The following PLD5 variants were observed in gnomAD, a reference collection of about 807,000 sequenced individuals.
PLD5 encodes the protein phospholipase D family member 5.
In PLD5, 36 loss-of-function variants were observed where a neutral mutation model predicts 61.1. The ratio of observed to expected loss-of-function variants is 0.59; its 90% CI spans 0.45 to 0.78. The LOEUF is 0.78. Ranked by LOEUF, PLD5 falls within the 30% of genes least tolerant of loss-of-function variation. The pLI is 0.00. For missense variants in PLD5, 515 were observed against 644.4 expected, an observed-to-expected ratio of 0.80 and a Z score of 2.17; for synonymous variants, 243 against 242.8, an observed-to-expected ratio of 1.00 and a Z score of -0.01.
chr1:242,497,393 T>C (rs1297662270), intron 1 of PLD5, among the ~76,000 whole-genome samples: 1 of 152,200 alleles, frequency 6.6e-6, no homozygotes, highest in Non-Finnish European at 1.5e-5. Context: ...AAGGAAAAAA[T>C]GACCTCTCAG....
In PLD5 at chr1:242,180,985, AAAACAAAC is replaced by A. The variant is rs545725246; in HGVS notation, c.735+38995_735+39002del. 3.7e-4 allele frequency among the ~76,000 whole-genome samples: 56 copies of A among 152,074 alleles called. No individual in the cohort carries two copies. The East Asian group carries it at 6.0e-3, about 16-fold the overall frequency. ...GTGACAGAGGAAGACTAGGTCTCAA[AAAACAAAC>A]AAACAAACAAACAAACAAAAAAACA... On this transcript the variant is annotated intron_variant, in intron 5 of 9. Transcript: ENST00000536534.
chr1:242,523,297 T>C (rs923959602), intron 1 of PLD5, among the ~76,000 whole-genome samples: 4 of 152,176 alleles, frequency 2.6e-5, no homozygotes, highest in Non-Finnish European at 5.9e-5. Context: ...AAGATGCTGA[T>C]GGATCAAATT....
At chr1:242,234,248 T>C (rs183902717) in intron 4 of PLD5, among the ~76,000 whole-genome samples, 1 of 152,230 alleles carries the variant, frequency 6.6e-6, no homozygotes, top group East Asian at 1.9e-4. Flanking sequence ...TGTAACCCTC[T>C]CTGAAGGCTC....
At chr1:242,116,738 A>C (rs1434284352) in intron 6 of PLD5, among the ~76,000 whole-genome samples, 1 of 152,194 alleles carries the variant, frequency 6.6e-6, no homozygotes, top group Non-Finnish European at 1.5e-5. Context: ...TGCAAAAGAC[A>C]TGATTTTATT....
intron 1 of PLD5, among the ~76,000 whole-genome samples, chr1:242,481,225 T>G (rs1239366015): frequency 6.6e-6 from 1 of 152,092 alleles, no homozygotes; most frequent in Non-Finnish European, 1.5e-5. Flanking sequence ...GGACAGTGGG[T>G]GCAGCGCACC....
intron 1 of PLD5, among the ~76,000 whole-genome samples, chr1:242,450,909 C>T (rs1460441026): frequency 6.6e-6 from 1 of 152,136 alleles, no homozygotes; most frequent in Middle Eastern, 3.2e-3. Context: ...TACATGAATT[C>T]AGTAAGTGAA....
chr1:242,281,132 C>T (rs1437329150), intron 3 of PLD5, among the ~76,000 whole-genome samples: 4 of 152,102 alleles, frequency 2.6e-5, no homozygotes, highest in East Asian at 1.9e-4. Context: ...TGGGCCAAAA[C>T]GTGCAGTGGT....
intron 5 of PLD5, among the ~76,000 whole-genome samples, chr1:242,197,398 C>A (rs1668700122): frequency 6.6e-6 from 1 of 152,162 alleles, no homozygotes; most frequent in Admixed American, 6.5e-5. Context: ...ACACCCAAGC[C>A]CCACAATGTC....
intron 5 of PLD5, among the ~76,000 whole-genome samples, chr1:242,200,805 A>C (rs1668945927): frequency 1.3e-5 from 2 of 152,226 alleles, no homozygotes; most frequent in Admixed American, 6.5e-5. Flanking sequence ...GTGCAAGTGA[A>C]GATTAAATGA....
At chr1:242,501,622 T>C (rs945695841) in intron 1 of PLD5, among the ~76,000 whole-genome samples, 9 of 152,024 alleles carry the variant, frequency 5.9e-5, no homozygotes, top group Non-Finnish European at 8.8e-5. Context: ...GCACCTCTCA[T>C]TGGAATTCAT....
At chr1:242,300,744 TTGCAGCGGGACAAG>T (rs1675989593) in intron 2 of PLD5, among the ~76,000 whole-genome samples, 2 of 4,826 alleles carry the variant, frequency 4.1e-4, no homozygotes, top group Non-Finnish European at 9.1e-4. Context: ...CAGAAATGGG[TTGCAGCGGGACAAG>T]GGTTGCAGCG....
intron 2 of PLD5, among the ~76,000 whole-genome samples, chr1:242,288,919 T>C (rs1170524796): frequency 6.6e-6 from 1 of 152,172 alleles, no homozygotes; most frequent in Non-Finnish European, 1.5e-5. Flanking sequence ...CTTTGCAAGC[T>C]ATTTGAGACT....
intron 4 of PLD5, among the ~76,000 whole-genome samples, chr1:242,231,194 C>T (rs1024736625): frequency 5.3e-5 from 8 of 152,120 alleles, no homozygotes; most frequent in Admixed American, 2.0e-4. Flanking sequence ...TGGTAGCTGC[C>T]GGGGCACGTG....
rs181331655 is a variant in PLD5 at position 242,449,026 on chromosome 1, T to G, written c.189+75062A>C. On this transcript the variant is annotated intron_variant, in intron 1 of 9. Coordinates refer to ENST00000536534, the MANE Select transcript of PLD5 (RefSeq NM_001372062.1). ...AGAATCTCATGGAAATTACAGTTAC[T>G]TTCAGAGGAAAGAGCACACTTCAGA... is the stretch of plus-strand genomic sequence containing the variant. Among the ~76,000 whole-genome samples the G allele has an allele frequency of 1.3e-3, 193 of 152,320 alleles. 1 individual carries two copies. Among genetic ancestry groups the G allele is most frequent in the African/African-American group, 4.3e-3 (177 of 41,578 alleles).
At chr1:242,111,326 G>A (rs966689362) in intron 7 of PLD5, among the ~76,000 whole-genome samples, 14 of 152,042 alleles carry the variant, frequency 9.2e-5, no homozygotes, top group African/African-American at 2.9e-4. Context: ...CAAAGTGCTG[G>A]GATTACAGAC....
chr1:242,455,890 A>C (rs573353322), intron 1 of PLD5, among the ~76,000 whole-genome samples: 9 of 152,204 alleles, frequency 5.9e-5, no homozygotes, highest in South Asian at 4.1e-4. Flanking sequence ...GGTGTGCTAC[A>C]CCAGTTGTGG....
intron 4 of PLD5, among the ~76,000 whole-genome samples, chr1:242,228,872 G>A (rs1362361789): frequency 6.6e-6 from 1 of 152,186 alleles, no homozygotes; most frequent in Non-Finnish European, 1.5e-5. Flanking sequence ...ATGACTTTCT[G>A]TGAGTTCCTC....
At chr1:242,461,773 A>G (rs1198917566) in intron 1 of PLD5, among the ~76,000 whole-genome samples, 1 of 152,174 alleles carries the variant, frequency 6.6e-6, no homozygotes, top group African/African-American at 2.4e-5. Context: ...ACTTCTTAGT[A>G]ATAGTCATTC....
chr1:242,249,933 A>G (rs1344296613), intron 4 of PLD5, among the ~76,000 whole-genome samples: 1 of 152,224 alleles, frequency 6.6e-6, no homozygotes, highest in Non-Finnish European at 1.5e-5. Flanking sequence ...TATGCTTTCA[A>G]AATGCTCGTA....
Sources: allele counts gnomAD v4.1 joint callset (sites outside exome capture counted in the v4.1 genomes callset), GRCh38; gene constraint gnomAD v4.1.1; transcripts MANE v1.5; gene names NCBI Gene and HGNC (gene_info 2026-07-23, HGNC 2026-07-21).